Variants in GPC6 observed in about 807,000 individuals in gnomAD.
The protein encoded by GPC6 is glypican 6.
GPC6 carries 14 observed loss-of-function variants against 55.2 expected under a neutral mutation model. The ratio of observed to expected loss-of-function variants is 0.25; its 90% CI spans 0.17 to 0.40. The LOEUF (loss-of-function observed/expected upper bound fraction) is 0.40, where lower values mean the gene tolerates loss of function less well. Among genes scored for constraint, GPC6 ranks in the 10% least tolerant of loss-of-function variants. The pLI is 1.00. For synonymous variants in GPC6, 278 were observed against 259.6 expected (o/e 1.07, Z -0.68); for missense variants, 641 against 708.5 (o/e 0.90, Z 1.08).
chr13:93,969,374 A>G (rs1880186519), intron 3 of GPC6, among the ~76,000 whole-genome samples: 1 of 152,196 alleles, frequency 6.6e-6, no homozygotes, highest in Admixed American at 6.5e-5. Context: ...AAGGAAACCT[A>G]GGATCCCAAC....
intron 4 of GPC6, among the ~76,000 whole-genome samples, chr13:94,150,136 A>G (rs931114256): frequency 2.6e-5 from 4 of 152,008 alleles, no homozygotes; most frequent in African/African-American, 7.2e-5. Context: ...AAGTTGCTCA[A>G]GTATTAAAGG....
intron 4 of GPC6, among the ~76,000 whole-genome samples, chr13:94,265,417 T>C (rs1164891878): frequency 6.6e-6 from 1 of 152,154 alleles, no homozygotes; most frequent in African/African-American, 2.4e-5. Flanking sequence ...GCCAGTCTAG[T>C]CTTTCCACGT....
chr13:94,199,240 G>T (rs994247606), intron 4 of GPC6, among the ~76,000 whole-genome samples: 1 of 152,206 alleles, frequency 6.6e-6, no homozygotes, highest in Non-Finnish European at 1.5e-5. Flanking sequence ...GAAAAGATGG[G>T]AAAGTCAAAA....
intron 6 of GPC6, among the ~76,000 whole-genome samples, chr13:94,372,912 C>T (rs892071435): frequency 6.6e-6 from 1 of 152,172 alleles, no homozygotes; most frequent in African/African-American, 2.4e-5. Flanking sequence ...GACCCCTGAC[C>T]CCCAAGCAGC....
chr13:93,389,010 A>G (rs995997934), intron 1 of GPC6, among the ~76,000 whole-genome samples: 2 of 152,116 alleles, frequency 1.3e-5, no homozygotes, highest in African/African-American at 4.8e-5. Context: ...AGCCCTAAAC[A>G]CAGATAAAAC....
chr13:93,971,433 T>C (rs1397372782), intron 3 of GPC6, among the ~76,000 whole-genome samples: 1 of 152,170 alleles, frequency 6.6e-6, no homozygotes, highest in African/African-American at 2.4e-5. Context: ...GAAAATAAAA[T>C]TTTGAAATAC....
Position 93,227,717 on chromosome 13 carries a change from T to A in GPC6, c.160+101T>A, listed in dbSNP as rs1875847743. The A allele has an allele frequency of 1.1e-6, 1 of 947,866 alleles. No homozygotes were observed. Among genetic ancestry groups the A allele is most frequent in the Non-Finnish European group, 1.6e-6 (1 of 635,654 alleles). 58.7% of individuals were successfully genotyped at this position (947,866 alleles called of 1,614,324 possible). A position where few individuals can be genotyped will look rare whatever the true frequency, so the allele number is the denominator to read the frequency against. ...TTCCTTCCCCCTGTTGCTGAGTTGGTGCTCACTTTCTGCCACCGCTATGGG... is the reference window on the plus strand; with the variant it reads ...TTCCTTCCCCCTGTTGCTGAGTTGGAGCTCACTTTCTGCCACCGCTATGGG... On this transcript the variant is annotated intron_variant, in intron 1 of 8. Coordinates refer to ENST00000377047, the MANE Select transcript of GPC6 (RefSeq NM_005708.5). The surrounding 1 kb of genome is among the most constrained non-coding windows in gnomAD (Gnocchi z 4.3).
chr13:93,975,752 G>T (rs984440669), intron 3 of GPC6, among the ~76,000 whole-genome samples: 3 of 152,018 alleles, frequency 2.0e-5, no homozygotes, highest in Admixed American at 2.0e-4. Context: ...CATTTAGAAT[G>T]CCATTTACAT....
At chr13:94,063,327 G>T (rs1884400252) in intron 4 of GPC6, among the ~76,000 whole-genome samples, 1 of 152,176 alleles carries the variant, frequency 6.6e-6, no homozygotes, top group African/African-American at 2.4e-5. Context: ...TCCAAACAGA[G>T]AATTCTTCAA....
intron 2 of GPC6, among the ~76,000 whole-genome samples, chr13:93,699,741 T>C (rs187186935): frequency 6.6e-6 from 1 of 152,268 alleles, no homozygotes; most frequent in Non-Finnish European, 1.5e-5. Flanking sequence ...CTGATTCTAT[T>C]ACTATGGATA....
chr13:94,065,593 TA>T (rs1390160976), intron 4 of GPC6, among the ~76,000 whole-genome samples: 1 of 152,190 alleles, frequency 6.6e-6, no homozygotes, highest in Non-Finnish European at 1.5e-5. Context: ...ATAAATTCCT[TA>T]ACATTCATGT....
Position 94,335,877 on chromosome 13 carries a change from C to A in GPC6, c.1152+29754C>A, listed in dbSNP as rs752899600. On this transcript the variant is annotated intron_variant, in intron 6 of 8. Transcript: ENST00000377047. ...TTCTCTTCCTGTCTTACTGAAAGAC[C>A]CTGCTCTCTTCACTGTTGTTGTGAT... is the stretch of plus-strand genomic sequence containing the variant. Among the ~76,000 whole-genome samples the A allele has an allele frequency of 3.3e-5, 5 of 150,188 alleles. No individual in the cohort carries two copies. In the Admixed American group the frequency reaches 3.4e-4, roughly 10 times the overall value.
chr13:93,972,179 A>T (rs377275728), intron 3 of GPC6, among the ~76,000 whole-genome samples: 27 of 152,174 alleles, frequency 1.8e-4, no homozygotes, highest in African/African-American at 6.5e-4. Context: ...CCCCAAGCAC[A>T]CTTCACTTTG....
intron 4 of GPC6, among the ~76,000 whole-genome samples, chr13:94,256,550 C>T (rs1345177533): frequency 2.0e-5 from 3 of 152,158 alleles, no homozygotes. Context: ...CTACTGTCCT[C>T]CCATCTCCAT....
chr13:94,248,209 C>T (rs116841176), intron 4 of GPC6, among the ~76,000 whole-genome samples: 2,674 of 152,184 alleles, frequency 0.018, 36 homozygotes, highest in Non-Finnish European at 0.028. Flanking sequence ...TTTGCATTTT[C>T]CCTCAAAAAA....
intron 2 of GPC6, among the ~76,000 whole-genome samples, chr13:93,714,714 T>A (rs1196204839): frequency 4.0e-5 from 6 of 151,562 alleles, no homozygotes; most frequent in African/African-American, 1.5e-4. Flanking sequence ...AAAGCCAAAG[T>A]AAAGTTTATT....
intron 3 of GPC6, among the ~76,000 whole-genome samples, chr13:94,009,817 G>C (rs1376968122): frequency 6.6e-6 from 1 of 152,144 alleles, no homozygotes; most frequent in African/African-American, 2.4e-5. Flanking sequence ...GTTTGATATA[G>C]AAGAAAGTAC....
At chr13:93,863,185 A>G (rs1374111642) in intron 3 of GPC6, among the ~76,000 whole-genome samples, 1 of 151,680 alleles carries the variant, frequency 6.6e-6, no homozygotes, top group Non-Finnish European at 1.5e-5. Context: ...GGGTCATCAA[A>G]CTACAGCCTG....
At chr13:93,542,407 T>C (rs1180280803) in intron 1 of GPC6, among the ~76,000 whole-genome samples, 1 of 152,210 alleles carries the variant, frequency 6.6e-6, no homozygotes, top group Non-Finnish European at 1.5e-5. Context: ...ACCAGTACCA[T>C]GCTGTTTTGG....
Sources: allele counts gnomAD v4.1 joint callset (sites outside exome capture counted in the v4.1 genomes callset), GRCh38; gene constraint gnomAD v4.1.1; non-coding constraint Gnocchi (gnomAD v3.1); transcripts MANE v1.5; gene names NCBI Gene and HGNC (gene_info 2026-07-23, HGNC 2026-07-21).